Variants in ACVR2A observed in about 807,000 individuals in gnomAD.
ACVR2A encodes activin receptor type-2A.
ACVR2A carries 7 observed loss-of-function variants against 61.4 expected under a neutral mutation model. The observed-to-expected ratio is 0.11, with a 90% CI of 0.06 to 0.21. The LOEUF (loss-of-function observed/expected upper bound fraction) is 0.21, where lower values mean the gene tolerates loss of function less well. Ranked by LOEUF, ACVR2A falls within the 10% of genes least tolerant of loss-of-function variation. The pLI is 1.00. For missense variants in ACVR2A, 322 were observed against 621.7 expected, an observed-to-expected ratio of 0.52 and a Z score of 5.13; for synonymous variants, 193 against 208.3, an observed-to-expected ratio of 0.93 and a Z score of 0.63.
At chr2:147,860,953 T>C (rs1000877522) in intron 1 of ACVR2A, among the ~76,000 whole-genome samples, 4 of 152,180 alleles carry the variant, frequency 2.6e-5, no homozygotes, top group African/African-American at 9.6e-5. Context: ...TTGTTACAGA[T>C]TTTTCAGTGT....
In ACVR2A at chr2:147,849,077, G is replaced by C. The variant is rs1025104755; in HGVS notation, c.55+3870G>C. Among the ~76,000 whole-genome samples the C allele has an allele frequency of 2.1e-4, 32 of 152,038 alleles. 1 individual carries two copies. The highest frequency in any genetic ancestry group is 1.9e-3 in the Admixed American group (29 of 15,262). On this transcript the variant is annotated intron_variant, in intron 1 of 10. Transcript: ENST00000241416. ...TGATGAAATGCTTGAGAATTCACCA[G>C]TATAGTATAATATTTTATACTATAA...
At chr2:147,894,966 G>T (rs1686692546) in intron 1 of ACVR2A, among the ~76,000 whole-genome samples, 1 of 152,056 alleles carries the variant, frequency 6.6e-6, no homozygotes. Context: ...CAATAAGTAT[G>T]TTGGAAAAGG....
At chr2:147,887,028 T>C (rs1230222656) in intron 1 of ACVR2A, among the ~76,000 whole-genome samples, 1 of 151,724 alleles carries the variant, frequency 6.6e-6, no homozygotes, top group Non-Finnish European at 1.5e-5. Flanking sequence ...CTGGGCAAAA[T>C]AGCAAGACCT....
At chr2:147,903,810 G>A (rs930655059) in intron 4 of ACVR2A, among the ~76,000 whole-genome samples, 6 of 151,938 alleles carry the variant, frequency 3.9e-5, no homozygotes, top group African/African-American at 1.4e-4. Context: ...TCTCCCACTA[G>A]ATTGTAAGCC....
intron 8 of ACVR2A, 106 bp downstream of exon 8, chr2:147,920,450 T>G (rs1199602542): frequency 1.2e-6 from 1 of 824,176 alleles, no homozygotes; most frequent in Non-Finnish European, 1.9e-6. Flanking sequence ...GGTGTTTAAA[T>G]CAGCATCTAA....
chr2:147,867,777 A>C (rs1685900933), intron 1 of ACVR2A, among the ~76,000 whole-genome samples: 1 of 152,152 alleles, frequency 6.6e-6, no homozygotes, highest in Admixed American at 6.5e-5. Context: ...GCTTTTTAAC[A>C]ATACACGCAG....
chr2:147,864,544 T>C (rs1685806910), intron 1 of ACVR2A, among the ~76,000 whole-genome samples: 2 of 152,072 alleles, frequency 1.3e-5, no homozygotes, highest in Non-Finnish European at 2.9e-5. Context: ...ATTGTAACTT[T>C]TAAAGTATCA....
intron 2 of ACVR2A, chr2:147,898,227 T>C (rs1236976847): frequency 6.6e-6 from 1 of 152,008 alleles, no homozygotes; most frequent in Non-Finnish European, 1.5e-5. Flanking sequence ...CTAAATTTGA[T>C]TGAAAACAAA....
intron 1 of ACVR2A, among the ~76,000 whole-genome samples, chr2:147,870,746 T>G (rs1035342311): frequency 1.3e-5 from 2 of 152,178 alleles, no homozygotes; most frequent in African/African-American, 4.8e-5. Flanking sequence ...TTCTTCCCTT[T>G]TAATGAGTTT....
chr2:147,876,522 A>G (rs946689545), intron 1 of ACVR2A, among the ~76,000 whole-genome samples: 14 of 152,052 alleles, frequency 9.2e-5, no homozygotes, highest in African/African-American at 2.7e-4. Flanking sequence ...TAAAATGCTA[A>G]TATTAAAGGC....
intron 4 of ACVR2A, among the ~76,000 whole-genome samples, chr2:147,908,776 G>A (rs980279880): frequency 6.6e-6 from 1 of 151,904 alleles, no homozygotes; most frequent in African/African-American, 2.4e-5. Flanking sequence ...AATTCGTCTT[G>A]GTAGTCCTAA....
intron 4 of ACVR2A, among the ~76,000 whole-genome samples, chr2:147,913,175 TATTA>T (rs1270371799): frequency 6.6e-6 from 1 of 151,894 alleles, no homozygotes; most frequent in East Asian, 1.9e-4. Context: ...ATTGCTGACA[TATTA>T]ATTGTGGATT....
At chr2:147,868,151 G>T (rs550607150) in intron 1 of ACVR2A, among the ~76,000 whole-genome samples, 1 of 152,258 alleles carries the variant, frequency 6.6e-6, no homozygotes, top group East Asian at 1.9e-4. Context: ...CCCAGTTCAC[G>T]TTCACTGAAA....
intron 1 of ACVR2A, among the ~76,000 whole-genome samples, chr2:147,891,721 A>G (rs944014282): frequency 6.6e-6 from 1 of 152,224 alleles, no homozygotes; most frequent in African/African-American, 2.4e-5. Flanking sequence ...GGGCAGAGTT[A>G]AGTAGTTGTG....
rs1319849056 is a variant in ACVR2A, at chr2:147,930,502, T to C, written c.*3228T>C. 1 of 152,436 alleles carries C rather than the reference T, an allele frequency of 6.6e-6. No individual in the cohort carries two copies. Among genetic ancestry groups the C allele is most frequent in the Non-Finnish European group, 1.5e-5 (1 of 67,990 alleles). 9.4% of individuals were successfully genotyped at this position (152,436 alleles called of 1,614,324 possible). A position where few individuals can be genotyped will look rare whatever the true frequency, so the allele number is the denominator to read the frequency against. On this transcript the variant is annotated 3_prime_UTR_variant, in exon 11 of 11. Coordinates refer to ENST00000241416, the MANE Select transcript of ACVR2A (RefSeq NM_001616.5). The stretch of plus-strand genomic sequence containing the variant: ...CCATTTATGGGCAAAATGATACAAG[T>C]AGCATCTTGATTGAACATCATTTAC...
intron 4 of ACVR2A, among the ~76,000 whole-genome samples, chr2:147,913,540 G>T (rs1558812270): frequency 6.6e-6 from 1 of 151,820 alleles, no homozygotes. Flanking sequence ...CTGTAGAAGA[G>T]TTGTTTTCAA....
At chr2:147,863,945 C>T (rs1179945654) in intron 1 of ACVR2A, among the ~76,000 whole-genome samples, 1 of 152,160 alleles carries the variant, frequency 6.6e-6, no homozygotes, top group Non-Finnish European at 1.5e-5. Context: ...TATACCTTGA[C>T]TCAGAGAAGT....
chr2:147,889,967 T>TA (rs1433258224), intron 1 of ACVR2A, among the ~76,000 whole-genome samples: 9 of 151,674 alleles, frequency 5.9e-5, no homozygotes, highest in African/African-American at 2.2e-4. Flanking sequence ...GAGTGTGAAT[T>TA]ATGGTTCTGG....
intron 4 of ACVR2A, among the ~76,000 whole-genome samples, chr2:147,914,076 CACTA>C (rs1687191477): frequency 6.6e-6 from 1 of 151,842 alleles, no homozygotes; most frequent in Non-Finnish European, 1.5e-5. Flanking sequence ...CTAAAGAAAG[CACTA>C]ACTGTCTTTG....
Sources: gnomAD v4.1 joint callset for allele counts (sites outside exome capture counted in the v4.1 genomes callset) on GRCh38, gnomAD v4.1.1 for gene constraint, MANE v1.5 for transcripts, NCBI Gene and HGNC (gene_info 2026-07-23, HGNC 2026-07-21) for gene names.